Variants in OSBPL10 observed in about 807,000 individuals in gnomAD.
OSBPL10 encodes oxysterol binding protein like 10.
OSBPL10 carries 49 observed loss-of-function variants against 81.7 expected under a neutral mutation model. The ratio of observed to expected loss-of-function variants is 0.60; its 90% CI spans 0.48 to 0.76. The LOEUF (loss-of-function observed/expected upper bound fraction) is 0.76, where lower values mean the gene tolerates loss of function less well. Ranked by LOEUF, OSBPL10 falls within the 30% of genes least tolerant of loss-of-function variation. The pLI, the probability that OSBPL10 is intolerant of heterozygous loss-of-function variation, is 0.00. For missense variants in OSBPL10, 923 were observed against 987.8 expected (o/e 0.93, Z 0.88); for synonymous variants, 419 against 383.6 (o/e 1.09, Z -1.08).
chr3:31,744,900 G>C (rs375347638), intron 5 of OSBPL10, among the ~76,000 whole-genome samples: 1 of 152,006 alleles, frequency 6.6e-6, no homozygotes, highest in African/African-American at 2.4e-5. Flanking sequence ...TGAGATTCTC[G>C]GAACGAGCCT....
At chr3:31,783,396 G>C (rs1014718208) in intron 4 of OSBPL10, among the ~76,000 whole-genome samples, 11 of 151,838 alleles carry the variant, frequency 7.2e-5, no homozygotes, top group Admixed American at 2.0e-4. Flanking sequence ...ACTACACATT[G>C]GGTACAGTGT....
chr3:31,766,321 GTTTTTTTGTTT>G (rs1318698659), intron 4 of OSBPL10, among the ~76,000 whole-genome samples: 3 of 68,594 alleles, frequency 4.4e-5, no homozygotes, highest in Non-Finnish European at 1.0e-4. Flanking sequence ...GCCCAATGTA[GTTTTTTTGTTT>G]TTTTGTTTTT....
intron 4 of OSBPL10, among the ~76,000 whole-genome samples, chr3:31,807,905 AG>A (rs1699563273): frequency 6.6e-6 from 1 of 152,206 alleles, no homozygotes; most frequent in Non-Finnish European, 1.5e-5. Flanking sequence ...ACTTACAAAT[AG>A]GAAAGTGTTT....
intron 4 of OSBPL10, among the ~76,000 whole-genome samples, chr3:31,810,803 G>A (rs565635626): frequency 2.0e-5 from 3 of 152,302 alleles, no homozygotes; most frequent in African/African-American, 7.2e-5. Flanking sequence ...CAGGGTGTAA[G>A]GAAACTGGCA....
rs372305256 is a variant in OSBPL10 at position 31,733,685 on chromosome 3, G to GTT, written c.941-276_941-275dup. ...CGATTTACCAAAGCCAGATAAAGGT[G>GTT]TTTTTTTTTTTTTTTTTTTTTTTTT... On this transcript the variant is annotated intron_variant, in intron 5 of 11. Coordinates refer to ENST00000396556, the MANE Select transcript of OSBPL10 (RefSeq NM_017784.5). Among the ~76,000 whole-genome samples the GTT allele has an allele frequency of 1.9e-3, 177 of 91,760 alleles. 6 individuals are homozygous for GTT. The highest frequency in any genetic ancestry group is 2.8e-3 in the African/African-American group (68 of 24,328). 60.2% of individuals were successfully genotyped at this position (91,760 alleles called of 152,430 possible).
chr3:31,855,521 A>G (rs940091591), intron 3 of OSBPL10, among the ~76,000 whole-genome samples: 2 of 152,148 alleles, frequency 1.3e-5, no homozygotes, highest in African/African-American at 4.8e-5. Context: ...GGCACAGTAC[A>G]TATTTGTCTG....
At chr3:31,777,980 T>C (rs1326466562) in intron 4 of OSBPL10, among the ~76,000 whole-genome samples, 1 of 152,198 alleles carries the variant, frequency 6.6e-6, no homozygotes, top group Non-Finnish European at 1.5e-5. Flanking sequence ...AGCTGAACTT[T>C]GTAATGATTT....
At chr3:31,692,870 AG>A (rs1695596983) in intron 7 of OSBPL10, among the ~76,000 whole-genome samples, 1 of 152,368 alleles carries the variant, frequency 6.6e-6, no homozygotes, top group South Asian at 2.1e-4. Context: ...AGCGCCCCCA[AG>A]GGGCCTGAAG....
chr3:31,947,316 C>T (rs1459392690), intron 1 of OSBPL10, among the ~76,000 whole-genome samples: 1 of 152,186 alleles, frequency 6.6e-6, no homozygotes, highest in Admixed American at 6.5e-5. Flanking sequence ...TGTCCCTAAG[C>T]ACACAGCACA....
At chr3:31,998,456 G>A (rs1445589250) in intron 2 of OSBPL10, among the ~76,000 whole-genome samples, 1 of 152,106 alleles carries the variant, frequency 6.6e-6, no homozygotes, top group Non-Finnish European at 1.5e-5. Flanking sequence ...CCCAGCATCA[G>A]GCTTATTTAC....
chr3:31,663,863 CTCAG>C, intron 11 of OSBPL10: 1 of 1,433,522 alleles, frequency 7.0e-7, no homozygotes, highest in Non-Finnish European at 9.1e-7. Flanking sequence ...GTGTCAGTTG[CTCAG>C]TTCTGCCCTC....
intron 1 of OSBPL10, among the ~76,000 whole-genome samples, chr3:31,958,957 A>C (rs189908760): frequency 1.3e-5 from 2 of 152,318 alleles, no homozygotes; most frequent in Non-Finnish European, 2.9e-5. Flanking sequence ...AGCACATGGG[A>C]AACTCATTAA....
intron 1 of OSBPL10, among the ~76,000 whole-genome samples, chr3:31,923,372 AG>A (rs1218978543): frequency 9.2e-5 from 14 of 152,222 alleles, no homozygotes; most frequent in Admixed American, 2.0e-4. Context: ...TCAGTTTGAA[AG>A]GGAGTAAACA....
intron 1 of OSBPL10, among the ~76,000 whole-genome samples, chr3:31,945,322 C>G: frequency 6.6e-6 from 1 of 152,210 alleles, no homozygotes; most frequent in East Asian, 1.9e-4. Context: ...AAGTCAACAC[C>G]AGTGACATGG....
At chr3:31,668,253 T>C (rs1414040718) in intron 10 of OSBPL10, among the ~76,000 whole-genome samples, 1 of 152,190 alleles carries the variant, frequency 6.6e-6, no homozygotes, top group Non-Finnish European at 1.5e-5. Context: ...TTTCCCAGCA[T>C]TTAATTTTTT....
intron 7 of OSBPL10, among the ~76,000 whole-genome samples, chr3:31,698,037 C>G (rs111740065): frequency 2.0e-4 from 30 of 151,678 alleles, no homozygotes; most frequent in African/African-American, 7.2e-4. Context: ...ACTGGGATTA[C>G]AGGCGTGAGC....
intron 2 of OSBPL10, among the ~76,000 whole-genome samples, chr3:32,015,105 C>T (rs1428681819): frequency 6.6e-6 from 1 of 152,124 alleles, no homozygotes; most frequent in African/African-American, 2.4e-5. Context: ...CTTTAAAGTT[C>T]ATATGGAACC....
At chr3:31,905,074 TAA>T (rs1325530539) in intron 1 of OSBPL10, among the ~76,000 whole-genome samples, 2 of 152,198 alleles carry the variant, frequency 1.3e-5, no homozygotes, top group Non-Finnish European at 2.9e-5. Context: ...GTAAAATGCT[TAA>T]AATAGTATCT....
At chr3:31,991,059 CATTA>C (rs1699022106) in intron 2 of OSBPL10, 1 of 1,281,712 alleles carries the variant, frequency 7.8e-7, no homozygotes, top group Non-Finnish European at 1.1e-6. Context: ...AACCATCAAG[CATTA>C]ATTGACATTA....
Sources: allele counts gnomAD v4.1 joint callset (sites outside exome capture counted in the v4.1 genomes callset), GRCh38; gene constraint gnomAD v4.1.1; transcripts MANE v1.5; gene names NCBI Gene and HGNC (gene_info 2026-07-23, HGNC 2026-07-21).